SPTLC1: variants seen among roughly 807,000 people sequenced by gnomAD.
SPTLC1 encodes the protein serine palmitoyltransferase 1.
A neutral mutation model predicts 68.9 loss-of-function variants in SPTLC1; 55 were observed. That is an observed-to-expected ratio of 0.80 (90% CI 0.64 to 1.00). The LOEUF (loss-of-function observed/expected upper bound fraction) is 1.00. SPTLC1 is among the 50% of genes least tolerant of loss of function. SPTLC1 has a pLI of 0.00. For missense variants in SPTLC1, 449 were observed against 573.1 expected (o/e 0.78, Z 2.21); for synonymous variants, 197 against 201.6 (o/e 0.98, Z 0.19).
chr9:92,094,877 C>T (rs1363095757), intron 3 of SPTLC1, among the ~76,000 whole-genome samples: 3 of 152,162 alleles, frequency 2.0e-5, no homozygotes, highest in South Asian at 4.1e-4. Context: ...CCCGCCACCA[C>T]GAAGTTCACT....
In SPTLC1 at chr9:92,034,825, C is replaced by T; in HGVS notation, c.1313G>A (p.Cys438Tyr). ...GTCAACTGACCTGGGAGGAGGGAGACACTTCTCTTCTTTCTCCAAGTAGCG... is the reference window on the plus strand; with the variant it reads ...GTCAACTGACCTGGGAGGAGGGAGATACTTCTCTTCTTTCTCCAAGTAGCG... ...QARYLEKEEK[C>Y]LPPPSIRVVV... Residue 438 changes from cysteine (C) to tyrosine (Y), a missense_variant, in exon 14 of 15, where the codon TGT becomes TAT. Physicochemically the swap from Cys to Tyr is radical, Grantham distance 194. Coordinates refer to ENST00000262554, the MANE Select transcript of SPTLC1 (RefSeq NM_006415.4). The T allele has an allele frequency of 6.2e-7, 1 of 1,614,038 alleles. No homozygotes were observed. The highest frequency in any genetic ancestry group is 1.7e-5 in the Admixed American group (1 of 60,022).
intron 5 of SPTLC1, among the ~76,000 whole-genome samples, chr9:92,073,632 T>C (rs1274085767): frequency 1.3e-5 from 2 of 150,064 alleles, no homozygotes; most frequent in Admixed American, 6.8e-5. Context: ...ATTCTTAACA[T>C]GCATTTTATT....
rs373314300 is a variant in SPTLC1 at position 92,059,260 on chromosome 9, A to G, written c.609T>C (p.Arg203=). The G allele has an allele frequency of 1.2e-5, 19 of 1,613,940 alleles. No homozygotes were observed. The highest frequency in any genetic ancestry group is 1.5e-5 in the Non-Finnish European group (18 of 1,179,984). Residue 203 remains arginine (R), a synonymous_variant, in exon 7 of 15, where the codon CGT becomes CGC. Transcript: ENST00000262554. ...TATGCTTAAATAACTTAATGTCACT[A>G]CGGGATGCCTGTAATCCTTTCTGAA... is the stretch of plus-strand genomic sequence containing the variant. ...FAIQKGLQAS[R]SDIKLFKHND...
intron 3 of SPTLC1, among the ~76,000 whole-genome samples, chr9:92,098,897 A>G (rs1038751882): frequency 1.3e-5 from 2 of 152,196 alleles, no homozygotes; most frequent in Non-Finnish European, 2.9e-5. Context: ...AGAAAGAACA[A>G]AGAAAGTGAA....
chr9:92,054,939 T>C (rs1252803097), intron 8 of SPTLC1, among the ~76,000 whole-genome samples: 1 of 150,264 alleles, frequency 6.7e-6, no homozygotes, highest in Admixed American at 6.6e-5. Context: ...TAAAGCTAAG[T>C]TTTGGCCAGG....
chr9:92,057,580 T>C (rs544649629), intron 7 of SPTLC1, among the ~76,000 whole-genome samples: 50 of 152,364 alleles, frequency 3.3e-4, no homozygotes, highest in African/African-American at 1.2e-3. Context: ...CCAGGCTATT[T>C]TTCACTTGTT....
rs752804361 is a variant in SPTLC1, at chr9:92,047,699, TATC to T, written c.895_897del (p.Asp299del). ...TCCATGTTGGCACTGATAAGATCAA[TATC>T]ATCAATCTGCCGGAAAAGGAGGAGT... On this transcript the variant is annotated inframe_deletion, in exon 10 of 15. Coordinates refer to ENST00000262554, the MANE Select transcript of SPTLC1 (RefSeq NM_006415.4). 1 of 1,611,778 alleles carries T rather than the reference TATC, an allele frequency of 6.2e-7. No individual in the cohort carries two copies. Among genetic ancestry groups the T allele is most frequent in the South Asian group, 1.1e-5 (1 of 90,960 alleles).
At position 92,112,554 on chromosome 9, in the gene SPTLC1, A is replaced by G. The variant is rs775035672; in HGVS notation, c.66T>C (p.Ala22=). The part of the protein sequence containing the change: ...EMVQALYEAP[A]YHLILEGILI... ...GAATCCCTTCCAAAATAAGATGGTAAGCAGGAGCCTAAGAGTGAGTCAAAA... is the reference window on the plus strand; with the variant it reads ...GAATCCCTTCCAAAATAAGATGGTAGGCAGGAGCCTAAGAGTGAGTCAAAA... Residue 22 remains alanine (A), a synonymous_variant, in exon 2 of 15, where the codon GCT becomes GCC. Transcript: ENST00000262554. 7 of 1,603,124 alleles carry G rather than the reference A, an allele frequency of 4.4e-6. No individual in the cohort carries two copies. The highest frequency in any genetic ancestry group is 1.3e-5 in the African/African-American group (1 of 74,960).
chr9:92,080,797 G>T, intron 4 of SPTLC1, 73 bp downstream of exon 4: 1 of 1,258,466 alleles, frequency 7.9e-7, no homozygotes, highest in Non-Finnish European at 1.2e-6. Context: ...CGCCCAGCCT[G>T]CCTTTGTCTT....
chr9:92,053,130 CAAA>C (rs79512949), intron 8 of SPTLC1, among the ~76,000 whole-genome samples: 4,535 of 140,278 alleles, frequency 0.032, 130 homozygotes, highest in South Asian at 0.12. Context: ...AACAAACAAA[CAAA>C]AAAAAAAACA....
chr9:92,055,274 G>A, intron 8 of SPTLC1, 131 bp downstream of exon 8: 1 of 1,525,370 alleles, frequency 6.6e-7, no homozygotes, highest in African/African-American at 1.4e-5. Flanking sequence ...TCCCTGATCT[G>A]AGCAAAATAT....
At chr9:92,115,226 C>T (rs1304024261) in intron 1 of SPTLC1, 88 bp downstream of exon 1, 2 of 1,345,514 alleles carry the variant, frequency 1.5e-6, no homozygotes, top group East Asian at 4.6e-5. Context: ...CCAGTCCCGC[C>T]GAGGTCTCAG....
chr9:92,096,650 AT>A (rs1267563865), intron 3 of SPTLC1, among the ~76,000 whole-genome samples: 2 of 152,222 alleles, frequency 1.3e-5, no homozygotes, highest in Non-Finnish European at 2.9e-5. Context: ...AAAGATAAAG[AT>A]AGGCCTCTAC....
chr9:92,080,798 C>T, intron 4 of SPTLC1, 72 bp downstream of exon 4: 6 of 1,275,470 alleles, frequency 4.7e-6, no homozygotes, highest in Non-Finnish European at 6.8e-6. Flanking sequence ...GCCCAGCCTG[C>T]CTTTGTCTTT....
chr9:92,032,669 G>A, intron 14 of SPTLC1, 111 bp from the exon 15 acceptor site: 1 of 1,375,898 alleles, frequency 7.3e-7, no homozygotes, highest in African/African-American at 1.4e-5. Flanking sequence ...GAGGTCAGGA[G>A]ATCGAGACCA....
At chr9:92,098,009 G>C (rs1353108178) in intron 3 of SPTLC1, among the ~76,000 whole-genome samples, 1 of 152,162 alleles carries the variant, frequency 6.6e-6, no homozygotes, top group Non-Finnish European at 1.5e-5. Flanking sequence ...TTGAAGAAAA[G>C]TAACACTGAA....
intron 12 of SPTLC1, among the ~76,000 whole-genome samples, chr9:92,042,640 T>G (rs921156009): frequency 6.6e-6 from 1 of 152,190 alleles, no homozygotes; most frequent in Middle Eastern, 3.2e-3. Context: ...TGTTCATGGA[T>G]GACATTTCCC....
At chr9:92,054,699 G>A (rs1201048009) in intron 8 of SPTLC1, among the ~76,000 whole-genome samples, 3 of 152,198 alleles carry the variant, frequency 2.0e-5, no homozygotes, top group African/African-American at 7.2e-5. Flanking sequence ...CAGATCATGA[G>A]GTCAAGAGAT....
chr9:92,073,937 G>A (rs925939977), intron 5 of SPTLC1, among the ~76,000 whole-genome samples: 15 of 152,190 alleles, frequency 9.9e-5, no homozygotes, highest in African/African-American at 3.1e-4. Flanking sequence ...GAATGCCCAC[G>A]GCCCGGGATT....
Sources: gnomAD v4.1 joint callset for allele counts (sites outside exome capture counted in the v4.1 genomes callset) on GRCh38, gnomAD v4.1.1 for gene constraint, MANE v1.5 for transcripts, NCBI Gene and HGNC (gene_info 2026-07-23, HGNC 2026-07-21) for gene names.